CHST9: variants seen among roughly 807,000 people sequenced by gnomAD.
The protein encoded by CHST9 is GalNAc-4-sulfotransferase 2.
CHST9 carries 41 observed loss-of-function variants against 44.4 expected under a neutral mutation model. The observed-to-expected ratio is 0.92, with a 90% CI of 0.72 to 1.20. CHST9 has a LOEUF of 1.20. Among genes scored for constraint, CHST9 ranks in the 50% most tolerant of loss-of-function variants. The probability of loss-of-function intolerance (pLI) is 0.00; values close to 1 mark genes in which losing one functional copy is unlikely to be tolerated. For missense variants in CHST9, 504 were observed against 516.5 expected (o/e 0.98, Z 0.23); for synonymous variants, 171 against 178.4 (o/e 0.96, Z 0.33).
intron 4 of CHST9, among the ~76,000 whole-genome samples, chr18:26,970,421 G>A (rs1017006766): frequency 1.3e-5 from 2 of 152,024 alleles, no homozygotes; most frequent in African/African-American, 4.8e-5. Context: ...TTTGAGGTAC[G>A]TACTATTATT....
intron 4 of CHST9, among the ~76,000 whole-genome samples, chr18:27,021,012 T>C (rs1038465507): frequency 6.6e-6 from 1 of 152,250 alleles, no homozygotes; most frequent in African/African-American, 2.4e-5. Context: ...GCAGGTAGCA[T>C]GCAGTCTGGC....
At chr18:26,972,191 C>T (rs1281664913) in intron 4 of CHST9, among the ~76,000 whole-genome samples, 8 of 151,480 alleles carry the variant, frequency 5.3e-5, no homozygotes, top group South Asian at 4.2e-4. Flanking sequence ...AACCCATCTC[C>T]ACTAAAAACA....
intron 1 of CHST9, among the ~76,000 whole-genome samples, chr18:27,166,123 C>T (rs932931823): frequency 6.6e-6 from 1 of 152,140 alleles, no homozygotes; most frequent in African/African-American, 2.4e-5. Context: ...TTCTCTGCTT[C>T]GTCCTCCAAA....
At chr18:27,146,052 G>C (rs2058609730) in intron 1 of CHST9, among the ~76,000 whole-genome samples, 1 of 152,166 alleles carries the variant, frequency 6.6e-6, no homozygotes, top group Admixed American at 6.5e-5. Flanking sequence ...TCTCAGAAGA[G>C]AAAAGGCTAG....
At chr18:26,963,525 C>A (rs1406106485) in intron 4 of CHST9, among the ~76,000 whole-genome samples, 9 of 151,602 alleles carry the variant, frequency 5.9e-5, no homozygotes, top group African/African-American at 2.2e-4. Context: ...TCACAGAGCC[C>A]TAGGGTGCTG....
chr18:26,925,051 G>C (rs1276526115), intron 5 of CHST9, among the ~76,000 whole-genome samples: 3 of 152,074 alleles, frequency 2.0e-5, no homozygotes, highest in Non-Finnish European at 2.9e-5. Context: ...GTCAGGGTGG[G>C]GTAGGGAGAT....
Position 26,914,974 on chromosome 18 carries a change from C to CTTT in CHST9, c.*1282_*1284dup. On this transcript the variant is annotated 3_prime_UTR_variant, in exon 6 of 6. Transcript: ENST00000618847. ...AAATGTTTCCCATCCAAAATGATCC[C>CTTT]TTTTTTTTTCCCCAAGGGATCTAAT... 2.5e-6 allele frequency: 1 copy of CTTT among 395,914 alleles called. No homozygotes were observed. The highest frequency in any genetic ancestry group is 4.4e-6 in the Non-Finnish European group (1 of 224,762). The allele number at this position is 395,914 out of a possible 1,614,324, so 24.5% of individuals were successfully genotyped here.
chr18:27,089,115 T>A (rs183555365), intron 2 of CHST9, among the ~76,000 whole-genome samples: 173 of 152,310 alleles, frequency 1.1e-3, no homozygotes, highest in Non-Finnish European at 1.9e-3. Flanking sequence ...AAGCTCTATT[T>A]TCTTCCTCTT....
intron 2 of CHST9, among the ~76,000 whole-genome samples, chr18:27,078,437 T>C (rs980258917): frequency 4.6e-5 from 7 of 152,154 alleles, no homozygotes; most frequent in African/African-American, 9.7e-5. Context: ...TACTGAACCA[T>C]TGCGCTTAGG....
At chr18:26,952,342 G>T (rs909679403) in intron 4 of CHST9, 4 of 499,640 alleles carry the variant, frequency 8.0e-6, no homozygotes, top group African/African-American at 5.8e-5. Flanking sequence ...ATGTCCTCAG[G>T]CAGGTAGGAC....
intron 5 of CHST9, among the ~76,000 whole-genome samples, chr18:26,929,863 A>G (rs527606384): frequency 6.6e-6 from 1 of 152,140 alleles, no homozygotes; most frequent in South Asian, 2.1e-4. Context: ...CTATGACGTA[A>G]GTGACACTCC....
chr18:27,119,254 A>G (rs1229765481), intron 2 of CHST9, among the ~76,000 whole-genome samples: 1 of 152,184 alleles, frequency 6.6e-6, no homozygotes, highest in African/African-American at 2.4e-5. Flanking sequence ...CACAGAATCG[A>G]TATGCCTAGA....
In CHST9 at chr18:26,916,779, T is replaced by C. The variant is rs1180539924; in HGVS notation, c.812A>G (p.Asn271Ser). ...FDLKGIYTRL[N>S]TYTKAVFVRD... is the part of the protein sequence containing the mutation. ...AACAAACACAGCTTTGGTGTAAGTATTTAAGCGGGTATATATCCCTTTTAG... is the reference window on the plus strand; with the variant it reads ...AACAAACACAGCTTTGGTGTAAGTACTTAAGCGGGTATATATCCCTTTTAG... Residue 271 changes from asparagine (N) to serine (S), a missense_variant, in exon 6 of 6, where the codon AAT becomes AGT. Transcript: ENST00000618847. The C allele has an allele frequency of 1.9e-6, 3 of 1,613,868 alleles. No individual in the cohort carries two copies. Among genetic ancestry groups the C allele is most frequent in the Admixed American group, 3.3e-5 (2 of 59,994 alleles).
rs574643065 is a variant in CHST9, at chr18:27,022,220, G to A, written c.202+1896C>T. ...AACTGAGTTTCGAACTTGTGTCCTC[G>A]TATTCTACATCCCATGCTTGTTCAC... On this transcript the variant is annotated intron_variant, in intron 4 of 5. Coordinates refer to ENST00000618847, the MANE Select transcript of CHST9 (RefSeq NM_031422.6). Among the ~76,000 whole-genome samples, 3 of 152,066 alleles carry A rather than the reference G, an allele frequency of 2.0e-5. No individual in the cohort carries two copies. In the East Asian group the frequency reaches 5.8e-4, roughly 29 times the overall value.
chr18:26,917,870 C>A (rs1016809029), intron 5 of CHST9, among the ~76,000 whole-genome samples: 3 of 132,138 alleles, frequency 2.3e-5, no homozygotes, highest in Non-Finnish European at 5.0e-5. Context: ...TTGCAAAAAT[C>A]ATGTATTTTT....
chr18:27,092,297 T>G (rs2058077007), intron 2 of CHST9, among the ~76,000 whole-genome samples: 1 of 152,208 alleles, frequency 6.6e-6, no homozygotes, highest in African/African-American at 2.4e-5. Flanking sequence ...ATATCCCCTT[T>G]ATGATTTTTT....
At chr18:26,931,806 A>G (rs1389417834) in intron 5 of CHST9, among the ~76,000 whole-genome samples, 8 of 152,206 alleles carry the variant, frequency 5.3e-5, no homozygotes, top group Non-Finnish European at 4.4e-5. Context: ...ATTGAATTTA[A>G]TCCTCACTCT....
chr18:26,978,001 A>T (rs1792493987), intron 4 of CHST9, among the ~76,000 whole-genome samples: 1 of 152,076 alleles, frequency 6.6e-6, no homozygotes, highest in South Asian at 2.1e-4. Context: ...CCCTTTGTAG[A>T]TGCAGGCAGA....
In CHST9 at chr18:27,112,725, T is replaced by C. The variant is rs576113811; in HGVS notation, c.121+29964A>G. On this transcript the variant is annotated intron_variant, in intron 2 of 5. Coordinates refer to ENST00000618847, the MANE Select transcript of CHST9 (RefSeq NM_031422.6). ...AAGTCTTGAAATAAAACCACCTATATTTTGTTAGTCATGCAGTCAAGAAGC... is the reference window on the plus strand; with the variant it reads ...AAGTCTTGAAATAAAACCACCTATACTTTGTTAGTCATGCAGTCAAGAAGC... Among the ~76,000 whole-genome samples the C allele has an allele frequency of 1.4e-3, 213 of 151,962 alleles. 2 individuals are homozygous for C. Among genetic ancestry groups the C allele is most frequent in the Non-Finnish European group, 2.2e-3 (151 of 67,992 alleles).
Sources: allele counts gnomAD v4.1 joint callset (sites outside exome capture counted in the v4.1 genomes callset), GRCh38; gene constraint gnomAD v4.1.1; transcripts MANE v1.5; gene names NCBI Gene and HGNC (gene_info 2026-07-23, HGNC 2026-07-21).